The following CYLC2 variants were observed in gnomAD, a reference collection of about 807,000 sequenced individuals.
CYLC2 encodes cylicin 2, also known as cylicin-2.
A neutral mutation model predicts 26.1 loss-of-function variants in CYLC2; 30 were observed. The ratio of observed to expected loss-of-function variants is 1.15; its 90% CI spans 0.86 to 1.56. CYLC2 has a LOEUF of 1.56. Ranked by LOEUF, CYLC2 falls within the 40% of genes most tolerant of loss-of-function variation. CYLC2 has a pLI of 0.00. For synonymous variants in CYLC2, 158 were observed against 132.8 expected (o/e 1.19, Z -1.31); for missense variants, 498 against 394.4 (o/e 1.26, Z -2.23).
At chr9:103,013,333 A>ATATATTATATAAAT (rs1231023907) in intron 6 of CYLC2, among the ~76,000 whole-genome samples, 513 of 17,808 alleles carry the variant, frequency 0.029, 23 homozygotes, top group African/African-American at 0.071. Flanking sequence ...ATATATATTT[A>ATATATTATATAAAT]ATATATTATA....
At chr9:103,000,054 G>T (rs1466971900) in intron 1 of CYLC2, among the ~76,000 whole-genome samples, 2 of 151,514 alleles carry the variant, frequency 1.3e-5, no homozygotes, top group Non-Finnish European at 1.5e-5. Flanking sequence ...GTAAAACATT[G>T]ATTTTAAACA....
At chr9:103,011,382 T>A (rs1362747518) in intron 5 of CYLC2, among the ~76,000 whole-genome samples, 1 of 152,106 alleles carries the variant, frequency 6.6e-6, no homozygotes, top group African/African-American at 2.4e-5. Context: ...AAATGTTTTA[T>A]ATCAAACATT....
At chr9:103,004,308 A>G (rs1046685302) in intron 3 of CYLC2, among the ~76,000 whole-genome samples, 3 of 152,080 alleles carry the variant, frequency 2.0e-5, no homozygotes, top group Admixed American at 2.0e-4. Context: ...ATCTGAAACT[A>G]TTAGATATTA....
chr9:103,014,549 T>TATACATCATATGCATATTAC (rs1297998132), intron 6 of CYLC2, among the ~76,000 whole-genome samples: 1 of 103,632 alleles, frequency 9.6e-6, no homozygotes, highest in Non-Finnish European at 2.0e-5. Flanking sequence ...ATGTATATTA[T>TATACATCATATGCATATTAC]GCAGTATACA....
chr9:102,995,436 C>T (rs752952647), intron 1 of CYLC2, 39 bp downstream of exon 1: 19 of 1,477,300 alleles, frequency 1.3e-5, no homozygotes, highest in East Asian at 4.5e-5. Flanking sequence ...CTGAAATACT[C>T]GTTAGCTTTA....
At chr9:102,997,935 GT>G (rs1829253651) in intron 1 of CYLC2, among the ~76,000 whole-genome samples, 1 of 151,844 alleles carries the variant, frequency 6.6e-6, no homozygotes, top group African/African-American at 2.4e-5. Context: ...AAGAAATAAA[GT>G]CCCCCATGTC....
chr9:103,009,663 C>A (rs1225155714), intron 5 of CYLC2, among the ~76,000 whole-genome samples: 1 of 152,008 alleles, frequency 6.6e-6, no homozygotes, highest in Non-Finnish European at 1.5e-5. Context: ...AGGTCTTATT[C>A]ATTTTTTTCT....
At chr9:103,014,128 TTATAA>T (rs1248039322) in intron 6 of CYLC2, among the ~76,000 whole-genome samples, 5 of 121,062 alleles carry the variant, frequency 4.1e-5, no homozygotes, top group Non-Finnish European at 6.3e-5. Context: ...TTATATTATA[TTATAA>T]TATATTAAAT....
At chr9:103,009,931 ATATG>A (rs1322110780) in intron 5 of CYLC2, among the ~76,000 whole-genome samples, 5 of 149,988 alleles carry the variant, frequency 3.3e-5, no homozygotes, top group African/African-American at 1.0e-4. Flanking sequence ...ATACACACAT[ATATG>A]TATTATACAC....
chr9:103,000,258 T>A (rs1829275776), intron 1 of CYLC2, among the ~76,000 whole-genome samples: 1 of 152,102 alleles, frequency 6.6e-6, no homozygotes, highest in East Asian at 1.9e-4. Context: ...GTCTAGATAA[T>A]TTTATTATTG....
chr9:103,006,696 G>A (rs1483215274), intron 5 of CYLC2, among the ~76,000 whole-genome samples: 1 of 152,058 alleles, frequency 6.6e-6, no homozygotes, highest in Non-Finnish European at 1.5e-5. Context: ...TTACAGGCGT[G>A]AGCCACCGCG....
chr9:103,017,356 G>A (rs532480937), intron 7 of CYLC2, among the ~76,000 whole-genome samples: 2 of 151,746 alleles, frequency 1.3e-5, no homozygotes, highest in African/African-American at 4.8e-5. Flanking sequence ...CAAAGTAAAG[G>A]GCATCTGCAG....
intron 6 of CYLC2, among the ~76,000 whole-genome samples, chr9:103,014,582 ACATCATATGTATATTATGCAGTATACAT>A (rs1829470651): frequency 6.9e-6 from 1 of 144,228 alleles, no homozygotes; most frequent in African/African-American, 2.5e-5. Flanking sequence ...TATGCAGTAT[ACATCATATGTATATTATGCAGTATACAT>A]CATATGTATA....
intron 1 of CYLC2, among the ~76,000 whole-genome samples, chr9:102,999,381 A>G (rs1267263906): frequency 6.6e-6 from 1 of 151,890 alleles, no homozygotes; most frequent in Non-Finnish European, 1.5e-5. Flanking sequence ...AGTTATTATT[A>G]TAGATGTCAC....
chr9:103,008,079 G>C (rs529157491), intron 5 of CYLC2, among the ~76,000 whole-genome samples: 5 of 152,070 alleles, frequency 3.3e-5, no homozygotes, highest in South Asian at 2.1e-4. Flanking sequence ...TATGTGTTGA[G>C]ATTGCTAAAC....
At chr9:102,997,979 T>C (rs1323960886) in intron 1 of CYLC2, among the ~76,000 whole-genome samples, 1 of 151,960 alleles carries the variant, frequency 6.6e-6, no homozygotes, top group African/African-American at 2.4e-5. Context: ...TCAGAAAACT[T>C]AATCCTAGTT....
At chr9:103,009,665 T>C (rs1300271068) in intron 5 of CYLC2, among the ~76,000 whole-genome samples, 1 of 152,070 alleles carries the variant, frequency 6.6e-6, no homozygotes, top group East Asian at 1.9e-4. Flanking sequence ...GTCTTATTCA[T>C]TTTTTTCTAA....
In CYLC2 at chr9:103,005,591, G is replaced by GA. The variant is rs1395299617; in HGVS notation, c.965dup (p.Asn322LysfsTer3). On this transcript the variant is annotated frameshift_variant, in exon 5 of 8. Coordinates refer to ENST00000374798, the MANE Select transcript of CYLC2 (RefSeq NM_001340.5). LOFTEE classifies it low-confidence loss of function (END_TRUNC). ...CTGCTGATTCAAAGAAGGATGCAAA[G>GA]AAAAATGCTAAGAAGGATGCAAAGA... The GA allele has an allele frequency of 6.2e-7, 1 of 1,610,336 alleles. No homozygotes were observed. Among genetic ancestry groups the GA allele is most frequent in the South Asian group, 1.1e-5 (1 of 90,884 alleles).
intron 6 of CYLC2, among the ~76,000 whole-genome samples, chr9:103,013,672 AAT>A (rs1161471228): frequency 8.9e-6 from 1 of 112,770 alleles, no homozygotes; most frequent in Non-Finnish European, 1.6e-5. Context: ...TATATTAAAT[AAT>A]ATATATGATA....
Sources: gnomAD v4.1 joint callset for allele counts (sites outside exome capture counted in the v4.1 genomes callset) on GRCh38, gnomAD v4.1.1 for gene constraint, MANE v1.5 for transcripts, NCBI Gene and HGNC (gene_info 2026-07-23, HGNC 2026-07-21) for gene names.